Variants in NINL observed in about 807,000 individuals in gnomAD.
NINL encodes ninein-like protein.
In NINL, 153 loss-of-function variants were observed where a neutral mutation model predicts 160.3. That is an observed-to-expected ratio of 0.95 (90% confidence interval 0.84 to 1.09). The LOEUF (loss-of-function observed/expected upper bound fraction) is 1.09, where lower values mean the gene tolerates loss of function less well. Ranked by LOEUF, NINL falls within the 50% of genes least tolerant of loss-of-function variation. The pLI is 0.00. For missense variants in NINL, 1,829 were observed against 1,764.0 expected, an observed-to-expected ratio of 1.04 and a Z score of -0.66; for synonymous variants, 800 against 734.8, an observed-to-expected ratio of 1.09 and a Z score of -1.43.
rs533779028 is a variant in NINL at position 25,498,781 on chromosome 20, G to T, written c.1033-435C>A. Among the ~76,000 whole-genome samples the T allele has an allele frequency of 3.9e-5, 6 of 152,338 alleles. No individual in the cohort carries two copies. In the South Asian group the frequency reaches 1.2e-3, roughly 32 times the overall value. On this transcript the variant is annotated intron_variant, in intron 8 of 23. Coordinates refer to ENST00000278886, the MANE Select transcript of NINL (RefSeq NM_025176.6). The stretch of plus-strand genomic sequence containing the variant: ...TGCAGCTCATGCCACCAAGAAGAGC[G>T]TGGAGAGATGGAGGGGGTCCCCACA...
intron 14 of NINL, 93 bp downstream of exon 14, chr20:25,481,875 C>T (rs1327430211): frequency 6.6e-7 from 1 of 1,506,066 alleles, no homozygotes; most frequent in African/African-American, 1.4e-5. Flanking sequence ...GCAACATCAT[C>T]ATCTTCATCA....
chr20:25,537,937 C>T (rs28565216), intron 1 of NINL, among the ~76,000 whole-genome samples: 3,185 of 152,306 alleles, frequency 0.021, 101 homozygotes, highest in African/African-American at 0.072. Flanking sequence ...TGCTCGGTCT[C>T]TCTCCCTCCC....
At chr20:25,519,558 T>C (rs2064225152) in intron 2 of NINL, among the ~76,000 whole-genome samples, 2 of 152,178 alleles carry the variant, frequency 1.3e-5, no homozygotes, top group Admixed American at 1.3e-4. Context: ...TTATAAATTA[T>C]CCTTTTAGAA....
rs772282105 is a variant in NINL, at chr20:25,482,067, C to A, written c.1711G>T (p.Glu571Ter). The A allele has an allele frequency of 8.1e-6, 13 of 1,598,384 alleles. No individual in the cohort carries two copies. The highest frequency in any genetic ancestry group is 1.0e-5 in the Non-Finnish European group (12 of 1,179,698). Residue 571 changes from glutamate to a stop codon, truncating the protein, a stop_gained, in exon 14 of 24, where the codon GAG (glutamate) becomes TAG (stop). Coordinates refer to ENST00000278886, the MANE Select transcript of NINL (RefSeq NM_025176.6). LOFTEE classifies it high-confidence loss of function. Reference protein sequence around the residue: ...LQDRNDELQAELEGLWARLPK... With the variant: ...LQDRNDELQA The stretch of plus-strand genomic sequence containing the variant: ...AGCCGCGCCCACAGGCCTTCCAGCT[C>A]AGCTTGCAGCTCATCGTTGCGGTCC...
intron 3 of NINL, among the ~76,000 whole-genome samples, chr20:25,513,774 C>T (rs186210157): frequency 6.6e-6 from 1 of 152,184 alleles, no homozygotes; most frequent in African/African-American, 2.4e-5. Context: ...TCTCTTCCTC[C>T]TTCTCCAGTC....
At chr20:25,477,789 G>C (rs1319721954) in intron 16 of NINL, among the ~76,000 whole-genome samples, 1 of 152,194 alleles carries the variant, frequency 6.6e-6, no homozygotes, top group African/African-American at 2.4e-5. Flanking sequence ...TGGATGCTGA[G>C]AGGAGAGGGG....
chr20:25,558,302 G>T (rs1600339673), intron 1 of NINL, among the ~76,000 whole-genome samples: 1 of 152,302 alleles, frequency 6.6e-6, no homozygotes, highest in African/African-American at 2.4e-5. Context: ...CCGTCGCCTG[G>T]ATTCAAGCGA....
At chr20:25,525,787 TG>T (rs1410407728) in intron 2 of NINL, among the ~76,000 whole-genome samples, 3 of 151,984 alleles carry the variant, frequency 2.0e-5, no homozygotes, top group Non-Finnish European at 2.9e-5. Context: ...AATGGGGAGG[TG>T]CTTTTTAGTG....
At chr20:25,458,308 G>A (rs1170638502) in intron 22 of NINL, 75 bp downstream of exon 22, 9 of 1,568,160 alleles carry the variant, frequency 5.7e-6, no homozygotes, top group Non-Finnish European at 7.8e-6. Flanking sequence ...CAGCTTCTGG[G>A]TAACTGAGGA....
intron 1 of NINL, among the ~76,000 whole-genome samples, chr20:25,543,189 T>C (rs2064691256): frequency 6.6e-6 from 1 of 152,050 alleles, no homozygotes; most frequent in African/African-American, 2.4e-5. Flanking sequence ...CCCTCCCAAA[T>C]ACCCACCCAC....
chr20:25,455,653 C>T lies in NINL; in HGVS notation c.3957+20G>A, dbSNP rs749086974. 3 of 1,559,358 alleles carry T rather than the reference C, an allele frequency of 1.9e-6. No individual in the cohort carries two copies. Among genetic ancestry groups the T allele is most frequent in the Non-Finnish European group, 2.7e-6 (3 of 1,130,270 alleles). On this transcript the variant is annotated intron_variant, in intron 23 of 23. Coordinates refer to ENST00000278886, the MANE Select transcript of NINL (RefSeq NM_025176.6). Reference sequence around the variant, plus strand: ...TCAGAAGAGGACGTGAACACGAAAGCAGCAGCGCCCATCACTCACCTGCTC... The same window carrying T: ...TCAGAAGAGGACGTGAACACGAAAGTAGCAGCGCCCATCACTCACCTGCTC...
chr20:25,455,867 C>G (rs560593329), intron 22 of NINL, 81 bp from the exon 23 acceptor site: 1 of 1,105,512 alleles, frequency 9.0e-7, no homozygotes, highest in South Asian at 1.3e-5. Flanking sequence ...CCGAGGCGGG[C>G]GGATCACCTG....
chr20:25,556,528 G>A lies in NINL; in HGVS notation c.-12+28927C>T, dbSNP rs561699779. Among the ~76,000 whole-genome samples the A allele has an allele frequency of 1.4e-4, 22 of 152,186 alleles. 1 individual carries two copies. In the South Asian group the frequency reaches 4.1e-3, roughly 29 times the overall value. ...TATTCCCAGCTACTTGGGAGACTGA[G>A]GTGGGAGGATCACTTGAGTCTGGGA... On this transcript the variant is annotated intron_variant, in intron 1 of 23. Coordinates refer to ENST00000278886, the MANE Select transcript of NINL (RefSeq NM_025176.6).
intron 1 of NINL, among the ~76,000 whole-genome samples, chr20:25,557,900 G>A (rs1374321875): frequency 2.0e-5 from 3 of 151,944 alleles, no homozygotes; most frequent in Middle Eastern, 3.4e-3. Flanking sequence ...AGGCCGAGGC[G>A]GGCAGATCAC....
At chr20:25,510,833 G>A (rs960032871) in intron 4 of NINL, 93 bp from the exon 5 acceptor site, 16 of 954,560 alleles carry the variant, frequency 1.7e-5, no homozygotes, top group Admixed American at 6.0e-5. Flanking sequence ...GTTTGGGGAA[G>A]TGGGGGATGG....
At chr20:25,550,668 T>A (rs1394976143) in intron 1 of NINL, among the ~76,000 whole-genome samples, 3 of 152,160 alleles carry the variant, frequency 2.0e-5, no homozygotes, top group Non-Finnish European at 4.4e-5. Flanking sequence ...GATGTGCACA[T>A]AGGCCAGATT....
intron 1 of NINL, among the ~76,000 whole-genome samples, chr20:25,549,571 G>A (rs1396400163): frequency 6.6e-6 from 1 of 152,244 alleles, no homozygotes; most frequent in African/African-American, 2.4e-5. Flanking sequence ...CTCCTGCTCT[G>A]TGCTAGGAAA....
chr20:25,492,461 T>G (rs973655994), intron 10 of NINL, among the ~76,000 whole-genome samples: 8 of 152,074 alleles, frequency 5.3e-5, no homozygotes, highest in African/African-American at 1.9e-4. Context: ...GGTGTCATTT[T>G]TTTTTTTGGA....
At position 25,561,959 on chromosome 20, in the gene NINL, C is replaced by T. The variant is rs545671850; in HGVS notation, c.-12+23496G>A. On this transcript the variant is annotated intron_variant, in intron 1 of 23. Transcript: ENST00000278886. ...TCCGGGAGGGAGGTGGGGGGTCAGC[C>T]CCCCACCCGGCCAGCCACCCCATCC... 2.0e-5 allele frequency among the ~76,000 whole-genome samples: 3 copies of T among 148,378 alleles called. No homozygotes were observed. In the South Asian group the frequency reaches 6.4e-4, roughly 32 times the overall value.
Sources: gnomAD v4.1 joint callset for allele counts (sites outside exome capture counted in the v4.1 genomes callset) on GRCh38, gnomAD v4.1.1 for gene constraint, MANE v1.5 for transcripts, NCBI Gene and HGNC (gene_info 2026-07-23, HGNC 2026-07-21) for gene names.